The following EGLN1 variants were observed in gnomAD, a reference collection of about 807,000 sequenced individuals.
EGLN1 encodes egl nine homolog 1.
Under a neutral mutation model 38.3 loss-of-function variants are expected in EGLN1, and 17 were observed. The observed-to-expected ratio is 0.44, with a 90% CI of 0.30 to 0.67. EGLN1 has a LOEUF of 0.67. Among genes scored for constraint, EGLN1 ranks in the 30% least tolerant of loss-of-function variants. The probability of loss-of-function intolerance (pLI) is 0.08; values close to 1 mark genes in which losing one functional copy is unlikely to be tolerated. For synonymous variants in EGLN1, 283 were observed against 257.5 expected (o/e 1.10, Z -0.95); for missense variants, 477 against 603.3 (o/e 0.79, Z 2.19).
intron 1 of EGLN1, 94 bp downstream of exon 1, chr1:231,420,904 G>C (rs781076653): frequency 1.2e-6 from 2 of 1,609,992 alleles, no homozygotes; most frequent in African/African-American, 1.3e-5. Context: ...CTATATAGAG[G>C]AATGCTGCTT....
At chr1:231,392,605 C>A (rs1408461948) in intron 1 of EGLN1, among the ~76,000 whole-genome samples, 1 of 152,166 alleles carries the variant, frequency 6.6e-6, no homozygotes, top group African/African-American at 2.4e-5. Context: ...TCAGCTCTAC[C>A]ACTTCCTAGC....
chr1:231,404,938 T>C (rs2102929753), intron 1 of EGLN1, among the ~76,000 whole-genome samples: 1 of 152,248 alleles, frequency 6.6e-6, no homozygotes, highest in Admixed American at 6.5e-5. Flanking sequence ...CACTATTTCC[T>C]TTCTCACAGT....
chr1:231,376,647 T>C (rs953730860), intron 1 of EGLN1, among the ~76,000 whole-genome samples: 2 of 152,188 alleles, frequency 1.3e-5, no homozygotes, highest in African/African-American at 4.8e-5. Context: ...TACTATGAAA[T>C]CTGGTCTAAC....
At chr1:231,370,931 C>A (rs920014308) in intron 2 of EGLN1, among the ~76,000 whole-genome samples, 20 of 152,062 alleles carry the variant, frequency 1.3e-4, no homozygotes, top group Non-Finnish European at 4.4e-5. Flanking sequence ...TCGCTGTCAC[C>A]CAGGCTGGAG....
chr1:231,385,313 G>A (rs575666868), intron 1 of EGLN1, among the ~76,000 whole-genome samples: 9 of 152,308 alleles, frequency 5.9e-5, no homozygotes, highest in African/African-American at 2.2e-4. Flanking sequence ...TAGGAAGTGT[G>A]AGTAGAACAG....
At chr1:231,381,832 G>C (rs552054549) in intron 1 of EGLN1, among the ~76,000 whole-genome samples, 1 of 152,292 alleles carries the variant, frequency 6.6e-6, no homozygotes, top group African/African-American at 2.4e-5. Flanking sequence ...AGATTCCCAA[G>C]CAGGGCTCTG....
At chr1:231,409,195 T>C (rs1029520073) in intron 1 of EGLN1, among the ~76,000 whole-genome samples, 5 of 146,392 alleles carry the variant, frequency 3.4e-5, no homozygotes, top group African/African-American at 7.6e-5. Context: ...AGACTTTCAA[T>C]AGACTTAACT....
At chr1:231,418,728 T>C (rs565194891) in intron 1 of EGLN1, among the ~76,000 whole-genome samples, 4 of 151,944 alleles carry the variant, frequency 2.6e-5, no homozygotes, top group South Asian at 4.2e-4. Flanking sequence ...CCAAGTATGG[T>C]GGTGTGTGCC....
At chr1:231,414,039 G>A (rs1270867114) in intron 1 of EGLN1, among the ~76,000 whole-genome samples, 1 of 152,150 alleles carries the variant, frequency 6.6e-6, no homozygotes, top group Non-Finnish European at 1.5e-5. Context: ...TGTTGTAAGA[G>A]AAGATTTTGG....
rs541542280 is a variant in EGLN1 at position 231,421,083 on chromosome 1, A to G, written c.806T>C (p.Ile269Thr). 11 of 1,614,030 alleles carry G rather than the reference A, an allele frequency of 6.8e-6. No individual in the cohort carries two copies. The highest frequency in any genetic ancestry group is 5.0e-5 in the Admixed American group (3 of 60,006). Residue 269 changes from isoleucine to threonine, a missense_variant, in exon 1 of 5, where the codon ATT becomes ACT. Coordinates refer to ENST00000366641, the MANE Select transcript of EGLN1 (RefSeq NM_022051.3). This position sits in a 1 kb window ranked among gnomAD's most constrained non-coding sequence, Gnocchi z 5.5. ...GTCCATGCTGCTCATGAGCAGCCCA[A>G]TGGTTTCGCAGCCGGGCTCCTTGCC... is the stretch of plus-strand genomic sequence containing the variant. ...IEGKEPGCETIGLLMSSMDDL... is the reference protein window; with the variant it reads ...IEGKEPGCETTGLLMSSMDDL...
rs371204614 is a variant in EGLN1, at chr1:231,366,498, A to AT, written c.1217-24dup. On this transcript the variant is annotated intron_variant, in intron 4 of 4. Transcript: ENST00000366641. ...CACCTGCAAGGTAAAAAAAAAAAAA[A>AT]TTTTCATTCATTCACTAAGCACCAG... 8 of 1,308,772 alleles carry AT rather than the reference A, an allele frequency of 6.1e-6. No individual in the cohort carries two copies. In the African/African-American group the frequency reaches 7.2e-5, roughly 12 times the overall value. The allele number at this position is 1,308,772 out of a possible 1,614,324, so 81.1% of individuals were successfully genotyped here.
At chr1:231,387,257 C>A (rs58696423) in intron 1 of EGLN1, among the ~76,000 whole-genome samples, 7,974 of 149,234 alleles carry the variant, frequency 0.053, 298 homozygotes, top group East Asian at 0.17. Context: ...ACACACACAC[C>A]CCCCTAATTA....
Position 231,370,618 on chromosome 1 carries a change from C to G in EGLN1, c.1092G>C (p.Leu364=). The change falls in exon 3 of 5, where the codon CTG becomes CTC. Residue 364 remains leucine, a synonymous_variant. Transcript: ENST00000366641. ...GGTTGCGACGGTCAGACCAGAAAAACAGCAGTCTATCAAATTTGGGTTCAA... is the reference window on the plus strand; with the variant it reads ...GGTTGCGACGGTCAGACCAGAAAAAGAGCAGTCTATCAAATTTGGGTTCAA... The part of the protein sequence containing the change: ...ADIEPKFDRL[L]FFWSDRRNPH... 2 of 1,614,098 alleles carry G rather than the reference C, an allele frequency of 1.2e-6. No homozygotes were observed. The highest frequency in any genetic ancestry group is 1.7e-6 in the Non-Finnish European group (2 of 1,180,018).
In EGLN1 at chr1:231,364,243, A is replaced by C. The variant is rs1687577947; in HGVS notation, c.*2168T>G. On this transcript the variant is annotated 3_prime_UTR_variant, in exon 5 of 5. Coordinates refer to ENST00000366641, the MANE Select transcript of EGLN1 (RefSeq NM_022051.3). ...TAGAGGTACACATTTGAATGACAACAGGGGCTCCCAAATTAAAAGGCTGTG... is the reference window on the plus strand; with the variant it reads ...TAGAGGTACACATTTGAATGACAACCGGGGCTCCCAAATTAAAAGGCTGTG... 6.6e-6 allele frequency: 1 copy of C among 152,262 alleles called. No individual in the cohort carries two copies. Among genetic ancestry groups the C allele is most frequent in the Non-Finnish European group, 1.5e-5 (1 of 68,048 alleles). The allele number at this position is 152,262 out of a possible 1,614,324, so 9.4% of individuals were successfully genotyped here.
intron 1 of EGLN1, among the ~76,000 whole-genome samples, chr1:231,396,774 C>T (rs1487969486): frequency 6.6e-6 from 1 of 152,162 alleles, no homozygotes; most frequent in African/African-American, 2.4e-5. Context: ...TACTCTTCTT[C>T]ATGTATTATT....
At position 231,377,799 on chromosome 1, in the gene EGLN1, A is replaced by C. The variant is rs567091901; in HGVS notation, c.892-3700T>G. 7.9e-5 allele frequency among the ~76,000 whole-genome samples: 12 copies of C among 152,346 alleles called. No individual in the cohort carries two copies. In the East Asian group the frequency reaches 2.3e-3, roughly 29 times the overall value. On this transcript the variant is annotated intron_variant, in intron 1 of 4. Transcript: ENST00000366641. ...GAATGAAGTGATATGAGAAGAGGCCAAACAAGCAGGTTTTAACCCCAACCT... is the reference window on the plus strand; with the variant it reads ...GAATGAAGTGATATGAGAAGAGGCCCAACAAGCAGGTTTTAACCCCAACCT...
intron 1 of EGLN1, among the ~76,000 whole-genome samples, chr1:231,382,943 A>AGCTACTC: frequency 6.6e-6 from 1 of 151,656 alleles, no homozygotes; most frequent in East Asian, 2.0e-4. Context: ...CTGTAATCCC[A>AGCTACTC]GCTACTCGGG....
chr1:231,402,738 G>A (rs1315826383), intron 1 of EGLN1, among the ~76,000 whole-genome samples: 1 of 151,780 alleles, frequency 6.6e-6, no homozygotes, highest in Non-Finnish European at 1.5e-5. Flanking sequence ...CACAGCCTAG[G>A]TCTTACATTT....
intron 1 of EGLN1, among the ~76,000 whole-genome samples, chr1:231,417,821 T>A (rs1689124812): frequency 6.6e-6 from 1 of 152,192 alleles, no homozygotes. Flanking sequence ...CTACACTGAA[T>A]GGGCCACAGA....
Sources: gnomAD v4.1 joint callset for allele counts (sites outside exome capture counted in the v4.1 genomes callset) on GRCh38, gnomAD v4.1.1 for gene constraint, Gnocchi (gnomAD v3.1) non-coding constraint, MANE v1.5 for transcripts, NCBI Gene and HGNC (gene_info 2026-07-23, HGNC 2026-07-21) for gene names.